The following MREG variants were observed in gnomAD, a reference collection of about 807,000 sequenced individuals.
MREG encodes the protein melanoregulin, also known as dilute suppressor protein homolog.
MREG carries 31 observed loss-of-function variants against 28.5 expected under a neutral mutation model. That is an observed-to-expected ratio of 1.09 (90% CI 0.82 to 1.47). MREG has a LOEUF of 1.47. Among genes scored for constraint, MREG ranks in the 40% most tolerant of loss-of-function variants. The probability of loss-of-function intolerance (pLI) is 0.00; values close to 1 mark genes in which losing one functional copy is unlikely to be tolerated. For missense variants in MREG, 256 were observed against 257.4 expected, an observed-to-expected ratio of 0.99 and a Z score of 0.04; for synonymous variants, 106 against 95.2, an observed-to-expected ratio of 1.11 and a Z score of -0.66.
chr2:215,945,809 G>C, intron 3 of MREG, 75 bp from the exon 4 acceptor site: 1 of 1,330,696 alleles, frequency 7.5e-7, no homozygotes, highest in Middle Eastern at 1.8e-4. Flanking sequence ...GTCCCTGCAG[G>C]AGATTACGAA....
chr2:215,950,277 T>C (rs1240363036), intron 2 of MREG, among the ~76,000 whole-genome samples: 4 of 152,234 alleles, frequency 2.6e-5, no homozygotes, highest in African/African-American at 4.8e-5. Context: ...CATTCATCAT[T>C]GGATCATCCA....
chr2:215,958,114 A>G (rs1401146636), intron 2 of MREG, among the ~76,000 whole-genome samples: 10 of 119,194 alleles, frequency 8.4e-5, no homozygotes, highest in Admixed American at 2.7e-4. Context: ...TGTGGGGTGG[A>G]GGGAGGGGGG....
At chr2:216,000,205 C>G (rs1693980652) in intron 1 of MREG, among the ~76,000 whole-genome samples, 1 of 152,118 alleles carries the variant, frequency 6.6e-6, no homozygotes, top group South Asian at 2.1e-4. Context: ...CAGATAGGGA[C>G]AAGAATACTG....
At chr2:216,014,018 T>C (rs989318890), upstream of MREG, among the ~76,000 whole-genome samples, 2 of 152,172 alleles carry the variant, frequency 1.3e-5, no homozygotes, top group Non-Finnish European at 2.9e-5. Context: ...CTTGTGAGTT[T>C]CCAGAGCTAT....
chr2:215,965,254 C>T (rs10498049), intron 2 of MREG, among the ~76,000 whole-genome samples: 57 of 152,312 alleles, frequency 3.7e-4, no homozygotes, highest in African/African-American at 1.2e-3. Flanking sequence ...CCTATTGATA[C>T]ATTTGCAGGT....
At chr2:216,028,456 A>T (rs1050538469) in intron 1 of MREG, among the ~76,000 whole-genome samples, 1 of 139,366 alleles carries the variant, frequency 7.2e-6, no homozygotes, top group African/African-American at 2.7e-5. Context: ...TGAACCCGGG[A>T]GGCGGAGCTT....
At chr2:216,031,669 AAGAAAGAAAGAAAGAAAGAAAG>A (rs1211476954) in intron 1 of MREG, among the ~76,000 whole-genome samples, 28 of 81,400 alleles carry the variant, frequency 3.4e-4, no homozygotes, top group Non-Finnish European at 3.8e-4. Context: ...GAAAGAAAGA[AAGAAAGAAAGAAAGAAAGAAAG>A]AGAAAGAAAG....
chr2:216,010,765 T>C (rs1322883227), intron 1 of MREG, among the ~76,000 whole-genome samples: 1 of 151,922 alleles, frequency 6.6e-6, no homozygotes, highest in Non-Finnish European at 1.5e-5. Flanking sequence ...TAAGATGAAA[T>C]TTTGAACCAA....
chr2:215,988,275 C>T (rs1693632000), intron 2 of MREG, among the ~76,000 whole-genome samples: 1 of 152,108 alleles, frequency 6.6e-6, no homozygotes, highest in African/African-American at 2.4e-5. Context: ...CGTTGCCTCA[C>T]AGAGAAAAGC....
At chr2:215,995,379 C>T (rs3770547) in intron 2 of MREG, among the ~76,000 whole-genome samples, 11,140 of 152,160 alleles carry the variant, frequency 0.073, 636 homozygotes, top group East Asian at 0.29. Context: ...GACCGGGACA[C>T]ATGACACTTC....
chr2:215,963,655 TTG>T (rs1297544714), intron 2 of MREG, among the ~76,000 whole-genome samples: 5 of 152,198 alleles, frequency 3.3e-5, no homozygotes, highest in Admixed American at 1.3e-4. Context: ...TTATACTCAA[TTG>T]TTTAATTTTA....
intron 1 of MREG, among the ~76,000 whole-genome samples, chr2:216,019,665 C>A (rs934943516): frequency 6.6e-6 from 1 of 151,910 alleles, no homozygotes; most frequent in African/African-American, 2.4e-5. Flanking sequence ...CCACCATGCC[C>A]GGCTAATTGT....
At chr2:215,956,940 A>T (rs972692160) in intron 2 of MREG, among the ~76,000 whole-genome samples, 3 of 152,122 alleles carry the variant, frequency 2.0e-5, no homozygotes, top group Non-Finnish European at 4.4e-5. Context: ...TACCCTTATA[A>T]TCCATCTTAA....
At chr2:216,007,834 G>C (rs1694201447) in intron 1 of MREG, among the ~76,000 whole-genome samples, 1 of 151,738 alleles carries the variant, frequency 6.6e-6, no homozygotes. Context: ...ATACATGTTG[G>C]ATAAGCTTCA....
chr2:216,004,564 C>CA lies in MREG; in HGVS notation c.96-8100dup, dbSNP rs5838561. Among the ~76,000 whole-genome samples the CA allele has an allele frequency of 6.4e-3, 935 of 146,182 alleles. 5 individuals are homozygous for CA. Among genetic ancestry groups the CA allele is most frequent in the African/African-American group, 0.021 (833 of 39,116 alleles). On this transcript the variant is annotated intron_variant, in intron 1 of 4. Transcript: ENST00000263268. ...GCCTCAAAAAAAACAAAAAAACAAA[C>CA]AAAAAAAAAAAACCTGTGCCTGGCA... is the stretch of plus-strand genomic sequence containing the variant.
intron 1 of MREG, among the ~76,000 whole-genome samples, chr2:216,031,647 AAAAGAAAGAAAGAAAGAAAG>A (rs200929112): frequency 1.1e-4 from 11 of 97,984 alleles, no homozygotes; most frequent in African/African-American, 4.1e-4. Context: ...AAGGAAGAAG[AAAAGAAAGAAAGAAAGAAAG>A]AAAGAAAGAA....
chr2:216,009,670 G>C (rs1485042776), intron 1 of MREG, among the ~76,000 whole-genome samples: 1 of 152,056 alleles, frequency 6.6e-6, no homozygotes, highest in Admixed American at 6.5e-5. Context: ...CAAGTAGTTG[G>C]GATTACAGGT....
In MREG at chr2:216,028,477, G is replaced by A. The variant is rs553971409; in HGVS notation, c.-68+4312C>T. ...CGGGAGGCGGAGCTTGCAGTGAGCC[G>A]AGATCGCGCCACTGCACTCCAGCCT... On this transcript the variant is annotated intron_variant, in intron 1 of 3. Coordinates refer to the MREG transcript ENST00000420348. Among the ~76,000 whole-genome samples the A allele has an allele frequency of 9.0e-4, 127 of 141,632 alleles. 1 individual carries two copies. In the South Asian group the frequency reaches 0.027, roughly 30 times the overall value. The allele number at this position is 141,632 out of a possible 152,430, so 92.9% of individuals were successfully genotyped here.
At chr2:216,025,241 A>G (rs1574662624) in intron 1 of MREG, among the ~76,000 whole-genome samples, 1 of 152,182 alleles carries the variant, frequency 6.6e-6, no homozygotes, top group East Asian at 1.9e-4. Flanking sequence ...TGATACCCAG[A>G]AGAGGTTGAT....
Sources: gnomAD v4.1 joint callset for allele counts (sites outside exome capture counted in the v4.1 genomes callset) on GRCh38, gnomAD v4.1.1 for gene constraint, MANE v1.5 for transcripts, NCBI Gene and HGNC (gene_info 2026-07-23, HGNC 2026-07-21) for gene names.